Variants in ZNF550 observed in about 807,000 individuals in gnomAD.
The protein encoded by ZNF550 is zinc finger protein 550.
ZNF550 carries 42 observed loss-of-function variants against 40.2 expected under a neutral mutation model. The observed-to-expected ratio is 1.05, with a 90% confidence interval of 0.82 to 1.35. ZNF550 has a LOEUF of 1.35. ZNF550 is among the 40% of genes most tolerant of loss of function. ZNF550 has a pLI of 0.00. For synonymous variants in ZNF550, 223 were observed against 198.6 expected (o/e 1.12, Z -1.03); for missense variants, 549 against 525.2 (o/e 1.05, Z -0.44).
At chr19:57,556,425 A>G in intron 1 of ZNF550, 68 bp from the exon 2 acceptor site, 1 of 1,549,636 alleles carries the variant, frequency 6.5e-7, no homozygotes, top group South Asian at 1.2e-5. Flanking sequence ...CCTGTCACTC[A>G]GTCTCTAGTC....
upstream of ZNF550, among the ~76,000 whole-genome samples, chr19:57,561,365 A>G (rs1454381853): frequency 6.6e-6 from 1 of 152,244 alleles, no homozygotes; most frequent in Non-Finnish European, 1.5e-5. The surrounding 1 kb of genome is among the most constrained non-coding windows in gnomAD (Gnocchi z 4.9). Context: ...CAATTGTTAA[A>G]GGCTGTAGCT....
At chr19:57,551,262 G>A (rs1479205053) in intron 3 of ZNF550, among the ~76,000 whole-genome samples, 3 of 152,132 alleles carry the variant, frequency 2.0e-5, no homozygotes, top group Non-Finnish European at 4.4e-5. Context: ...ATTATATACT[G>A]AAACATCAGC....
At chr19:57,558,118 C>T (rs1365578598) in intron 1 of ZNF550, among the ~76,000 whole-genome samples, 1 of 152,200 alleles carries the variant, frequency 6.6e-6, no homozygotes, top group African/African-American at 2.4e-5. Flanking sequence ...ACCGCTAAAA[C>T]ACCTCACCAA....
exon 4 of ZNF550, chr19:57,547,455 C>G: frequency 6.2e-7 from 1 of 1,614,124 alleles, no homozygotes; most frequent in Admixed American, 1.7e-5. Flanking sequence ...CCTTCCCACA[C>G]TCAAGGCACT....
Position 57,548,747 on chromosome 19 carries a change from AC to A in ZNF550, c.251-755del, listed in dbSNP as rs924453816. ...GAGGTATATACCCAAAAGAAAAAAA[AC>A]ATCAGTACATCAAAGAGATATCTGC... On this transcript the variant is annotated intron_variant, in intron 3 of 4. Coordinates refer to ENST00000457177, the Ensembl canonical transcript of ZNF550. 1.9e-3 allele frequency among the ~76,000 whole-genome samples: 284 copies of A among 152,356 alleles called. 2 individuals carry two copies. The highest frequency in any genetic ancestry group is 5.9e-3 in the African/African-American group (245 of 41,578).
rs147043269 is a variant in ZNF550 at position 57,546,274 on chromosome 19, G to A, written c.*518+183C>T. On this transcript the variant is annotated intron_variant, in intron 4 of 4. Transcript: ENST00000457177. ...TCCTCCCAGAGATGTCTGGATCAAAGGCAACTTCCAAGAAATGCCTGAAGA... is the reference window on the plus strand; with the variant it reads ...TCCTCCCAGAGATGTCTGGATCAAAAGCAACTTCCAAGAAATGCCTGAAGA... Among the ~76,000 whole-genome samples the A allele has an allele frequency of 3.3e-3, 504 of 151,418 alleles. 5 individuals carry two copies. Among genetic ancestry groups the A allele is most frequent in the South Asian group, 0.014 (65 of 4,796 alleles).
At chr19:57,555,596 CA>C (rs1387195466) in intron 2 of ZNF550, 1 of 154,896 alleles carries the variant, frequency 6.5e-6, no homozygotes, top group African/African-American at 2.4e-5. Flanking sequence ...CTCGGCCTCC[CA>C]AAGTGCTGGG....
In ZNF550 at chr19:57,544,490, A is replaced by G. The variant is rs532884842; in HGVS notation, c.*519-1247T>C. On this transcript the variant is annotated intron_variant, in intron 4 of 4. Transcript: ENST00000457177. ...AGGTACAAGTACAGCCACAGCTACA[A>G]TACATGCAGCCTTCCAGAGAGAGGA... 1.8e-5 allele frequency: 18 copies of G among 985,442 alleles called. No individual in the cohort carries two copies. The South Asian group carries it at 2.3e-4, about 13-fold the overall frequency. 61.0% of individuals were successfully genotyped at this position (985,442 alleles called of 1,614,324 possible).
intron 4 of ZNF550, chr19:57,543,389 T>C (rs1423187448): frequency 4.2e-6 from 1 of 238,282 alleles, no homozygotes; most frequent in African/African-American, 2.3e-5. Flanking sequence ...TGAGGATCCT[T>C]CCAGACACAT....
chr19:57,554,223 T>C lies in ZNF550; in HGVS notation c.155-1501A>G, dbSNP rs1405402498. 2 of 152,152 alleles carry C rather than the reference T, an allele frequency of 1.3e-5. No homozygotes were observed. Among genetic ancestry groups the C allele is most frequent in the Admixed American group, 6.6e-5 (1 of 15,266 alleles). The allele number at this position is 152,152 out of a possible 1,614,324, so 9.4% of individuals were successfully genotyped here. ...ACCAGTGGTTGAAATAAATTGGTAA[T>C]GCAAGAGTCTTCATTAGGCAGGTGA... On this transcript the variant is annotated intron_variant, in intron 2 of 4. Transcript: ENST00000457177. The surrounding 1 kb of genome is among the most constrained non-coding windows in gnomAD (Gnocchi z 4.5).
intron 4 of ZNF550, chr19:57,544,577 C>G (rs1485400588): frequency 1.0e-6 from 1 of 985,322 alleles, no homozygotes; most frequent in East Asian, 1.1e-4. Context: ...AAACTGTGCA[C>G]TCTGTCCTGA....
intron 4 of ZNF550, chr19:57,546,334 C>T: frequency 4.3e-6 from 1 of 233,948 alleles, no homozygotes; most frequent in African/African-American, 2.4e-5. Context: ...CAAAGGATGG[C>T]AGTGAATGTA....
At chr19:57,556,310 C>A (rs377138309) in exon 2 of ZNF550, 6 of 1,614,138 alleles carry the variant, frequency 3.7e-6, no homozygotes, top group Non-Finnish European at 5.1e-6. Context: ...GCTGTCTCCA[C>A]TCCTCCCGGG....
Position 57,558,122 on chromosome 19 carries a change from T to C in ZNF550, c.27+1534A>G, listed in dbSNP as rs1022385486. Among the ~76,000 whole-genome samples, 3 of 152,068 alleles carry C rather than the reference T, an allele frequency of 2.0e-5. No homozygotes were observed. In the East Asian group the frequency reaches 5.8e-4, roughly 29 times the overall value. ...AGCATTTGAGCACCGCTAAAACACC[T>C]CACCAAGCTGCCAGAGAGCAGGCAG... On this transcript the variant is annotated intron_variant, in intron 1 of 4. Transcript: ENST00000457177.
At position 57,554,127 on chromosome 19, in the gene ZNF550, G is replaced by C. The variant is rs545917008; in HGVS notation, c.155-1405C>G. ...TAGGAAGCAGAGGCTGCAGTGAGCT[G>C]AGATCATGGCACTGCACTTCAGCCT... On this transcript the variant is annotated intron_variant, in intron 2 of 4. Coordinates refer to ENST00000457177, the Ensembl canonical transcript of ZNF550. The surrounding 1 kb of genome is among the most constrained non-coding windows in gnomAD (Gnocchi z 4.5). 1.3e-5 allele frequency: 2 copies of C among 152,178 alleles called. No homozygotes were observed. The highest frequency in any genetic ancestry group is 2.9e-5 in the Non-Finnish European group (2 of 68,082). 9.4% of individuals were successfully genotyped at this position (152,178 alleles called of 1,614,324 possible).
At chr19:57,560,294 G>T (rs1328478536), upstream of ZNF550, among the ~76,000 whole-genome samples, 1 of 152,152 alleles carries the variant, frequency 6.6e-6, no homozygotes, top group African/African-American at 2.4e-5. Context: ...CCCGCTTCCC[G>T]CGTGGAGCCA....
chr19:57,546,587 G>C, exon 4 of ZNF550: 1 of 1,004,790 alleles, frequency 1.0e-6, no homozygotes, highest in Non-Finnish European at 1.2e-6. Flanking sequence ...CAATTATGTA[G>C]TAACTTTTCA....
chr19:57,548,883 G>A (rs2090048255), intron 3 of ZNF550, among the ~76,000 whole-genome samples: 1 of 152,148 alleles, frequency 6.6e-6, no homozygotes, highest in African/African-American at 2.4e-5. Flanking sequence ...ACACAATGGG[G>A]TACTATTTGG....
At chr19:57,544,485 C>G in intron 4 of ZNF550, 1 of 985,382 alleles carries the variant, frequency 1.0e-6, no homozygotes, top group Non-Finnish European at 1.2e-6. Flanking sequence ...ACAGCCACAG[C>G]TACAATACAT....
Sources: gnomAD v4.1 joint callset for allele counts (sites outside exome capture counted in the v4.1 genomes callset) on GRCh38, gnomAD v4.1.1 for gene constraint, Gnocchi (gnomAD v3.1) non-coding constraint, MANE v1.5 for transcripts, NCBI Gene and HGNC (gene_info 2026-07-23, HGNC 2026-07-21) for gene names.